Variants in SDK1 observed in about 807,000 individuals in gnomAD.
SDK1 encodes protein sidekick-1.
SDK1 carries 157 observed loss-of-function variants against 245.5 expected under a neutral mutation model. The ratio of observed to expected loss-of-function variants is 0.64; its 90% CI spans 0.56 to 0.73. The LOEUF is 0.73. Among genes scored for constraint, SDK1 ranks in the 30% least tolerant of loss-of-function variants. The probability of loss-of-function intolerance (pLI) is 0.00; values close to 1 mark genes in which losing one functional copy is unlikely to be tolerated. For synonymous variants in SDK1, 1,647 were observed against 1,278.5 expected (o/e 1.29, Z -6.15); for missense variants, 3,583 against 3,002.3 (o/e 1.19, Z -4.52).
intron 17 of SDK1, among the ~76,000 whole-genome samples, chr7:4,030,270 TGTG>T (rs1253822085): frequency 6.6e-6 from 1 of 152,218 alleles, no homozygotes; most frequent in East Asian, 1.9e-4. Context: ...TAGATATCTT[TGTG>T]ACATTCAAAT....
At chr7:4,204,408 G>A (rs550871320) in intron 35 of SDK1, among the ~76,000 whole-genome samples, 1 of 152,246 alleles carries the variant, frequency 6.6e-6, no homozygotes, top group Admixed American at 6.5e-5. Context: ...TTCCATTAAC[G>A]GCAGGGTGGG....
At chr7:4,241,070 A>C (rs948866915) in intron 42 of SDK1, among the ~76,000 whole-genome samples, 4 of 152,028 alleles carry the variant, frequency 2.6e-5, no homozygotes, top group African/African-American at 9.7e-5. Flanking sequence ...TATTCATTTG[A>C]TCTGTTAATA....
At chr7:4,238,299 C>G (rs1370639472) in intron 42 of SDK1, among the ~76,000 whole-genome samples, 2 of 151,870 alleles carry the variant, frequency 1.3e-5, no homozygotes, top group African/African-American at 4.8e-5. Flanking sequence ...AGGCTGGTCT[C>G]GAAATCCTGA....
At chr7:3,439,846 T>C (rs1489276419) in intron 1 of SDK1, among the ~76,000 whole-genome samples, 2 of 152,226 alleles carry the variant, frequency 1.3e-5, no homozygotes, top group East Asian at 1.9e-4. Context: ...CCTTGCTTAC[T>C]AGAGGGCACT....
At chr7:3,384,561 A>G (rs1307673573) in intron 1 of SDK1, among the ~76,000 whole-genome samples, 8 of 151,616 alleles carry the variant, frequency 5.3e-5, no homozygotes. Context: ...CTGAAGACAG[A>G]CATTTCCACT....
chr7:4,021,870 C>T (rs1001276481), intron 17 of SDK1, among the ~76,000 whole-genome samples: 1 of 152,236 alleles, frequency 6.6e-6, no homozygotes, highest in Non-Finnish European at 1.5e-5. Flanking sequence ...GAGATGAAAT[C>T]TGACAATGGG....
intron 4 of SDK1, among the ~76,000 whole-genome samples, chr7:3,688,175 A>G (rs961618489): frequency 2.6e-5 from 4 of 152,246 alleles, no homozygotes; most frequent in Non-Finnish European, 4.4e-5. Context: ...TAATTGTATC[A>G]TTACTATTTC....
At chr7:3,422,107 A>G (rs571354946) in intron 1 of SDK1, among the ~76,000 whole-genome samples, 1 of 152,346 alleles carries the variant, frequency 6.6e-6, no homozygotes, top group Non-Finnish European at 1.5e-5. Context: ...GTATCTATCT[A>G]TAATGAGATT....
At chr7:3,930,611 T>C (rs913176742) in intron 5 of SDK1, among the ~76,000 whole-genome samples, 2 of 152,178 alleles carry the variant, frequency 1.3e-5, no homozygotes, top group African/African-American at 4.8e-5. Context: ...TGGGTTGAAA[T>C]TAATTAATCA....
At chr7:3,420,958 A>G (rs568890182) in intron 1 of SDK1, among the ~76,000 whole-genome samples, 1 of 152,108 alleles carries the variant, frequency 6.6e-6, no homozygotes, top group Non-Finnish European at 1.5e-5. Flanking sequence ...CCCTGTGTCC[A>G]TGTAAGAACA....
intron 17 of SDK1, among the ~76,000 whole-genome samples, chr7:4,017,607 G>A (rs956227839): frequency 6.6e-6 from 1 of 152,100 alleles, no homozygotes; most frequent in Non-Finnish European, 1.5e-5. Context: ...GCCTTTTGAC[G>A]GGTGCATCTA....
chr7:4,068,091 C>T (rs1222498004), intron 20 of SDK1, among the ~76,000 whole-genome samples, 155 bp downstream of exon 20: 1 of 152,276 alleles, frequency 6.6e-6, no homozygotes, highest in African/African-American at 2.4e-5. Flanking sequence ...TGGCAGAGTC[C>T]CAGCACTGGG....
intron 1 of SDK1, among the ~76,000 whole-genome samples, chr7:3,549,809 C>T (rs1779342278): frequency 6.6e-6 from 1 of 151,966 alleles, no homozygotes; most frequent in Non-Finnish European, 1.5e-5. Context: ...TGCAGACCAG[C>T]TAATGTGTTA....
chr7:4,042,020 G>A (rs191023822), intron 17 of SDK1, among the ~76,000 whole-genome samples: 1 of 135,576 alleles, frequency 7.4e-6, no homozygotes, highest in East Asian at 2.0e-4. Flanking sequence ...CATCATGTTG[G>A]CCCGGATGGT....
intron 4 of SDK1, among the ~76,000 whole-genome samples, chr7:3,700,666 CA>C (rs1385557346): frequency 6.6e-6 from 1 of 152,076 alleles, no homozygotes; most frequent in Non-Finnish European, 1.5e-5. Context: ...CCACAACAAA[CA>C]AACAAAAATG....
chr7:3,619,386 A>G (rs1435682730), intron 2 of SDK1, 147 bp downstream of exon 2: 4 of 653,254 alleles, frequency 6.1e-6, no homozygotes, highest in Non-Finnish European at 1.0e-5. Context: ...TGAATATGTA[A>G]TTAGAATGTG....
chr7:3,732,004 G>A (rs1446783663), intron 4 of SDK1, among the ~76,000 whole-genome samples: 2 of 152,066 alleles, frequency 1.3e-5, no homozygotes, highest in African/African-American at 4.8e-5. Flanking sequence ...GTTGGTCAGG[G>A]TGGTCTCGAT....
chr7:4,155,322 C>T (rs1277410508), intron 30 of SDK1, among the ~76,000 whole-genome samples: 4 of 152,190 alleles, frequency 2.6e-5, no homozygotes, highest in African/African-American at 9.7e-5. Flanking sequence ...ACACAGGCCT[C>T]ACGCTAAGAA....
At chr7:3,549,463 C>T (rs576057561) in intron 1 of SDK1, among the ~76,000 whole-genome samples, 51 of 152,124 alleles carry the variant, frequency 3.4e-4, no homozygotes, top group Non-Finnish European at 6.8e-4. Flanking sequence ...TATCCATGTG[C>T]CAAAGGAAAA....
Sources: allele counts gnomAD v4.1 joint callset (sites outside exome capture counted in the v4.1 genomes callset), GRCh38; gene constraint gnomAD v4.1.1; transcripts MANE v1.5; gene names NCBI Gene and HGNC (gene_info 2026-07-23, HGNC 2026-07-21).